The following NLRP9 variants were observed in gnomAD, a reference collection of about 807,000 sequenced individuals.
NLRP9 encodes the protein NLR family pyrin domain containing 9, also known as NACHT, LRR and PYD domains-containing protein 9.
NLRP9 carries 88 observed loss-of-function variants against 83.1 expected under a neutral mutation model. That is an observed-to-expected ratio of 1.06 (90% CI 0.89 to 1.26). The LOEUF (loss-of-function observed/expected upper bound fraction) is 1.26. Ranked by LOEUF, NLRP9 falls within the 50% of genes most tolerant of loss-of-function variation. The pLI is 0.00. For missense variants in NLRP9, 1,308 were observed against 1,179.3 expected (o/e 1.11, Z -1.60); for synonymous variants, 521 against 447.6 (o/e 1.16, Z -2.07).
rs376455768 is a variant in NLRP9, at chr19:55,711,924, C to T, written c.2719G>A (p.Ala907Thr). The T allele has an allele frequency of 1.7e-5, 28 of 1,613,168 alleles. No homozygotes were observed. The highest frequency in any genetic ancestry group is 1.2e-4 in the African/African-American group (9 of 75,042). Reference sequence around the variant, plus strand: ...AGTGTTTTGCAGGCGATGAGTGCTGCGGCGATGTCGTCGCAGCAGGCACGG... The same window carrying T: ...AGTGTTTTGCAGGCGATGAGTGCTGTGGCGATGTCGTCGCAGCAGGCACGG... Reference protein sequence around the residue: ...ITRACCDDIAAALIACKTLRS... With the variant: ...ITRACCDDIATALIACKTLRS... The change falls in exon 8 of 9, where the codon GCA (alanine) becomes ACA (threonine). Residue 907 changes from alanine to threonine, a missense_variant. Transcript: ENST00000332836.
chr19:55,710,949 G>A (rs1465429764), intron 8 of NLRP9, among the ~76,000 whole-genome samples: 3 of 152,064 alleles, frequency 2.0e-5, no homozygotes, highest in Non-Finnish European at 4.4e-5. Context: ...AGCTGAGCAT[G>A]GTGGTGAGTG....
Position 55,732,039 on chromosome 19 carries a change from C to A in NLRP9, c.1792G>T (p.Val598Leu). Residue 598 changes from valine (V) to leucine (L), a missense_variant, in exon 2 of 9, where the codon GTG becomes TTG. Val to Leu is a conservative substitution (Grantham distance 32, BLOSUM62 1). Coordinates refer to ENST00000332836, the MANE Select transcript of NLRP9 (RefSeq NM_176820.4). ...CQHLTTLRMC[V>L]ENIFPDDSGC... is the part of the protein sequence containing the mutation. The stretch of plus-strand genomic sequence containing the variant: ...GAGTCATCTGGAAAGATATTCTCCA[C>A]ACACATGCGAAGTGTCGTTAAATGT... The A allele has an allele frequency of 6.3e-7, 1 of 1,591,650 alleles. No individual in the cohort carries two copies. Among genetic ancestry groups the A allele is most frequent in the Non-Finnish European group, 8.5e-7 (1 of 1,171,408 alleles).
intron 3 of NLRP9, among the ~76,000 whole-genome samples, chr19:55,725,781 C>A (rs1299762818): frequency 6.6e-6 from 1 of 152,128 alleles, no homozygotes. Context: ...AATCTCAGCA[C>A]TTTGGGAGGC....
intron 4 of NLRP9, among the ~76,000 whole-genome samples, chr19:55,722,817 A>G (rs1001774263): frequency 1.3e-5 from 2 of 152,062 alleles, no homozygotes; most frequent in African/African-American, 2.4e-5. Flanking sequence ...CTATGCAGCC[A>G]TAAAAAAGGA....
At chr19:55,730,353 C>T (rs1045674130) in intron 2 of NLRP9, among the ~76,000 whole-genome samples, 2 of 151,570 alleles carry the variant, frequency 1.3e-5, no homozygotes, top group Non-Finnish European at 2.9e-5. Flanking sequence ...TATTTGGGAG[C>T]TGAGGTGAGA....
chr19:55,710,834 C>G (rs1167000578), intron 8 of NLRP9, among the ~76,000 whole-genome samples: 1 of 152,110 alleles, frequency 6.6e-6, no homozygotes, highest in Non-Finnish European at 1.5e-5. Flanking sequence ...GCTTGTAATC[C>G]CAGCTCTTTG....
At chr19:55,729,739 G>T in intron 3 of NLRP9, 92 bp downstream of exon 3, 1 of 998,232 alleles carries the variant, frequency 1.0e-6, no homozygotes, top group South Asian at 1.6e-5. Context: ...TTGCCGCTCT[G>T]CATTTATGCA....
At position 55,732,188 on chromosome 19, in the gene NLRP9, C is replaced by T. The variant is rs777054508; in HGVS notation, c.1643G>A (p.Gly548Asp). The T allele has an allele frequency of 1.2e-6, 2 of 1,613,396 alleles. No homozygotes were observed. Among genetic ancestry groups the T allele is most frequent in the South Asian group, 1.1e-5 (1 of 90,868 alleles). The change falls in exon 2 of 9, where the codon GGT (glycine) becomes GAT (aspartate). Residue 548 changes from glycine (G) to aspartate (D), a missense_variant. By Grantham distance (94) the Gly-to-Asp change is moderately conservative. Transcript: ENST00000332836. ...EAIAFQELFI[G>D]LFETQEKEFV... is the part of the protein sequence containing the mutation. ...TTCTTTTTCCTGAGTTTCAAACAAA[C>T]CAATGAATAGTTCCTGGAAAGCTAT... is the stretch of plus-strand genomic sequence containing the variant.
At chr19:55,712,078 C>G in intron 7 of NLRP9, 108 bp from the exon 8 acceptor site, 1 of 1,125,444 alleles carries the variant, frequency 8.9e-7, no homozygotes, top group Middle Eastern at 2.0e-4. Context: ...GCTCTGCTGT[C>G]TAGACCCGGG....
chr19:55,734,213 G>C (rs1299750704), intron 1 of NLRP9, among the ~76,000 whole-genome samples: 2 of 150,674 alleles, frequency 1.3e-5, no homozygotes, highest in Non-Finnish European at 3.0e-5. Context: ...GTGAGCCACC[G>C]CGCCCGGCTG....
chr19:55,730,140 C>T, intron 2 of NLRP9, 148 bp from the exon 3 acceptor site: 2 of 669,076 alleles, frequency 3.0e-6, no homozygotes, highest in Non-Finnish European at 5.0e-6. Flanking sequence ...TAAACGGAGC[C>T]AACATGACAT....
rs1379570288 is a variant in NLRP9 at position 55,714,928 on chromosome 19, C to A, written c.2501+127G>T. 4.4e-5 allele frequency: 38 copies of A among 866,926 alleles called. No homozygotes were observed. The East Asian group carries it at 8.9e-4, about 20-fold the overall frequency. 53.7% of individuals were successfully genotyped at this position (866,926 alleles called of 1,614,324 possible). ...TACCATCAGCCTGGGGGTGAGGACCCAACATACGAATTTTGGGAGGACATA... is the reference window on the plus strand; with the variant it reads ...TACCATCAGCCTGGGGGTGAGGACCAAACATACGAATTTTGGGAGGACATA... On this transcript the variant is annotated intron_variant, in intron 6 of 8. Transcript: ENST00000332836.
intron 3 of NLRP9, among the ~76,000 whole-genome samples, chr19:55,725,602 C>A (rs1234031495): frequency 2.0e-5 from 3 of 152,114 alleles, no homozygotes; most frequent in South Asian, 4.1e-4. Context: ...CTGAGTGACA[C>A]CCAGGTACCA....
chr19:55,720,600 G>A (rs1988194277), intron 4 of NLRP9, among the ~76,000 whole-genome samples: 1 of 152,114 alleles, frequency 6.6e-6, no homozygotes, highest in African/African-American at 2.4e-5. Flanking sequence ...AAACTGCTGG[G>A]ATCACAGGCA....
intron 6 of NLRP9, 105 bp from the exon 7 acceptor site, chr19:55,712,695 C>T: frequency 1.2e-6 from 1 of 809,064 alleles, no homozygotes; most frequent in Non-Finnish European, 1.8e-6. Flanking sequence ...CCAAGTAAAT[C>T]TGAGATGATG....
At chr19:55,715,377 C>T (rs1987969557) in intron 5 of NLRP9, 152 bp from the exon 6 acceptor site, 2 of 672,680 alleles carry the variant, frequency 3.0e-6, no homozygotes, top group Non-Finnish European at 4.9e-6. Context: ...GTTCCTTGAA[C>T]TCTGCTGTCA....
intron 4 of NLRP9, among the ~76,000 whole-genome samples, chr19:55,717,845 A>C (rs1394313061): frequency 6.6e-6 from 1 of 152,218 alleles, no homozygotes; most frequent in East Asian, 1.9e-4. Context: ...GAGAGCGTCC[A>C]GGTTGGCAAA....
At chr19:55,729,053 T>TTTC (rs1450333856) in intron 3 of NLRP9, among the ~76,000 whole-genome samples, 42 of 134,816 alleles carry the variant, frequency 3.1e-4, no homozygotes, top group African/African-American at 1.3e-3. Flanking sequence ...TCTTTTTCTT[T>TTTC]TTTTTTTTTT....
At chr19:55,734,604 T>C (rs1031583706) in intron 1 of NLRP9, among the ~76,000 whole-genome samples, 9 of 132,286 alleles carry the variant, frequency 6.8e-5, no homozygotes, top group African/African-American at 8.2e-5. Flanking sequence ...TACATACACA[T>C]ACACACACAC....
Sources: gnomAD v4.1 joint callset for allele counts (sites outside exome capture counted in the v4.1 genomes callset) on GRCh38, gnomAD v4.1.1 for gene constraint, MANE v1.5 for transcripts, NCBI Gene and HGNC (gene_info 2026-07-23, HGNC 2026-07-21) for gene names.